The following PPIP5K1 variants were observed in gnomAD, a reference collection of about 807,000 sequenced individuals.
PPIP5K1 encodes diphosphoinositol pentakisphosphate kinase 1.
PPIP5K1 carries 6 observed loss-of-function variants against 27.7 expected under a neutral mutation model. The ratio of observed to expected loss-of-function variants is 0.22; its 90% CI spans 0.12 to 0.43. The LOEUF (loss-of-function observed/expected upper bound fraction) is 0.43, where lower values mean the gene tolerates loss of function less well. PPIP5K1 is among the 20% of genes least tolerant of loss of function. The pLI is 1.00. For missense variants in PPIP5K1, 394 were observed against 635.4 expected (o/e 0.62, Z 4.08); for synonymous variants, 145 against 242.6 (o/e 0.60, Z 3.74).
chr15:43,536,766 A>G (rs999785316), intron 31 of PPIP5K1, among the ~76,000 whole-genome samples: 4 of 152,280 alleles, frequency 2.6e-5, no homozygotes, highest in South Asian at 2.1e-4. Flanking sequence ...AGAGTCTTCA[A>G]TTACACTGTG....
rs200963349 is a variant in PPIP5K1 at position 43,535,135 on chromosome 15, T to C, written c.4012A>G (p.Lys1338Glu). 1 of 1,613,296 alleles carries C rather than the reference T, an allele frequency of 6.2e-7. No individual in the cohort carries two copies. Among genetic ancestry groups the C allele is most frequent in the Non-Finnish European group, 8.5e-7 (1 of 1,179,812 alleles). ...CATTGCTGGCTGATGTCAGGGACCTTCTGACATGGCTGGCTGAGCGCCTCA... is the reference window on the plus strand; with the variant it reads ...CATTGCTGGCTGATGTCAGGGACCTCCTGACATGGCTGGCTGAGCGCCTCA... ...ISEALSQPCQ[K>E]VPDISQQCQE... The change falls in exon 32 of 32, where the codon AAG (lysine) becomes GAG (glutamate). Residue 1338 changes from lysine (K) to glutamate (E), a missense_variant. Coordinates refer to ENST00000420765, the MANE Select transcript of PPIP5K1 (RefSeq NM_001394395.1).
chr15:43,534,922 T>C lies in PPIP5K1; in HGVS notation c.4225A>G (p.Lys1409Glu), dbSNP rs1255669592. Residue 1409 changes from lysine (K) to glutamate (E), a missense_variant, in exon 32 of 32, where the codon AAG becomes GAG. Lys to Glu is a moderately conservative substitution (Grantham distance 56). This residue lies in a region of PPIP5K1 where 379 missense variants were observed against 423.9 expected (regional missense o/e 0.89). Coordinates refer to ENST00000420765, the MANE Select transcript of PPIP5K1 (RefSeq NM_001394395.1). Reference protein sequence around the residue: ...VSVEVGKLVHKFHVGVGSLVQ... With the variant: ...VSVEVGKLVHEFHVGVGSLVQ... ...AAGCTACCAACCCCTACATGGAACT[T>C]ATGGACCAGCTTGCCAACCTCCACA... 1 of 1,614,016 alleles carries C rather than the reference T, an allele frequency of 6.2e-7. No homozygotes were observed. The highest frequency in any genetic ancestry group is 1.6e-4 in the Middle Eastern group (1 of 6,062).
chr15:43,546,675 T>C (rs79376237), intron 30 of PPIP5K1, among the ~76,000 whole-genome samples: 472 of 125,882 alleles, frequency 3.7e-3, no homozygotes, highest in African/African-American at 0.017. Flanking sequence ...TTTTTTTTTT[T>C]TTTTTGAGTC....
At chr15:43,578,612 TG>T (rs1174912030) in intron 11 of PPIP5K1, among the ~76,000 whole-genome samples, 1 of 77,778 alleles carries the variant, frequency 1.3e-5, no homozygotes, top group Non-Finnish European at 3.1e-5. Flanking sequence ...AGGCTGGGCA[TG>T]GTGGCTCATG....
chr15:43,558,706 A>C, intron 30 of PPIP5K1, 89 bp downstream of exon 30: 1 of 1,542,662 alleles, frequency 6.5e-7, no homozygotes, highest in Non-Finnish European at 8.8e-7. Flanking sequence ...GGATTGCCTA[A>C]CTAGCTTTCT....
intron 31 of PPIP5K1, 144 bp from the exon 32 acceptor site, chr15:43,535,620 G>A: frequency 2.9e-6 from 2 of 688,730 alleles, no homozygotes; most frequent in South Asian, 2.1e-5. Context: ...AAGTTAAGCA[G>A]AGACTCCTAA....
At chr15:43,543,344 A>G (rs2081001774) in intron 30 of PPIP5K1, among the ~76,000 whole-genome samples, 1 of 151,964 alleles carries the variant, frequency 6.6e-6, no homozygotes, top group Non-Finnish European at 1.5e-5. Context: ...GCAGCACACC[A>G]GCGTGGCACA....
intron 31 of PPIP5K1, chr15:43,536,052 T>C (rs2079801592): frequency 4.0e-6 from 5 of 1,253,268 alleles, no homozygotes; most frequent in South Asian, 3.8e-5. Flanking sequence ...GAGGTAATCA[T>C]TATTTATAGC....
intron 30 of PPIP5K1, among the ~76,000 whole-genome samples, chr15:43,540,636 G>A (rs1016711762): frequency 6.6e-6 from 1 of 151,664 alleles, no homozygotes; most frequent in Non-Finnish European, 1.5e-5. Context: ...AACAGAGGTT[G>A]CAGTGAGCCG....
chr15:43,552,545 AG>A (rs1186261355), intron 30 of PPIP5K1, among the ~76,000 whole-genome samples: 11 of 145,868 alleles, frequency 7.5e-5, no homozygotes, highest in East Asian at 6.6e-4. Context: ...AAAAAAAAAA[AG>A]AAAAAAAAAA....
chr15:43,556,505 C>T (rs2141033414), intron 30 of PPIP5K1, among the ~76,000 whole-genome samples: 1 of 148,074 alleles, frequency 6.8e-6, no homozygotes, highest in African/African-American at 2.5e-5. Flanking sequence ...GGCATGGTGG[C>T]ACTCCAGCCT....
At chr15:43,547,755 G>A (rs2081554705) in intron 30 of PPIP5K1, among the ~76,000 whole-genome samples, 1 of 152,120 alleles carries the variant, frequency 6.6e-6, no homozygotes, top group Admixed American at 6.5e-5. Flanking sequence ...CTATAGCTTT[G>A]CAATACATTT....
intron 30 of PPIP5K1, among the ~76,000 whole-genome samples, chr15:43,551,610 T>G (rs1364624293): frequency 9.1e-6 from 1 of 110,470 alleles, no homozygotes; most frequent in Non-Finnish European, 1.6e-5. Context: ...GATTCAGTTT[T>G]TTTTTTTTTT....
At chr15:43,553,820 T>C (rs2082569848) in intron 30 of PPIP5K1, among the ~76,000 whole-genome samples, 2 of 151,986 alleles carry the variant, frequency 1.3e-5, no homozygotes, top group Admixed American at 6.6e-5. Flanking sequence ...AATTTTTTTG[T>C]ATTTTTAGTA....
intron 30 of PPIP5K1, among the ~76,000 whole-genome samples, chr15:43,542,661 T>G (rs2080903568): frequency 6.8e-6 from 1 of 146,642 alleles, no homozygotes; most frequent in African/African-American, 2.6e-5. Context: ...TGTGTGTGTG[T>G]GTGTGTGTGT....
Position 43,534,728 on chromosome 15 carries a change from C to G in PPIP5K1, c.4419G>C (p.Glu1473Asp), listed in dbSNP as rs997326984. The stretch of plus-strand genomic sequence containing the variant: ...CCTGCAGATCAATCTCCTCAGGGAA[C>G]TCTTGGGATGGTTTATCAATCTCAG... Reference protein sequence around the residue: ...GIPEIDKPSQEFPEEIDLQAQ... With the variant: ...GIPEIDKPSQDFPEEIDLQAQ... Residue 1473 changes from glutamate (E) to aspartate (D), a missense_variant, in exon 32 of 32, where the codon GAG (glutamate) becomes GAC (aspartate). Glu to Asp is a conservative substitution (Grantham distance 45). Coordinates refer to ENST00000420765, the MANE Select transcript of PPIP5K1 (RefSeq NM_001394395.1). 1 of 1,544,084 alleles carries G rather than the reference C, an allele frequency of 6.5e-7. No homozygotes were observed. Among genetic ancestry groups the G allele is most frequent in the Non-Finnish European group, 8.7e-7 (1 of 1,148,726 alleles).
intron 31 of PPIP5K1, among the ~76,000 whole-genome samples, chr15:43,537,154 G>A (rs781779750): frequency 1.3e-5 from 2 of 151,092 alleles, no homozygotes; most frequent in Non-Finnish European, 2.9e-5. Flanking sequence ...GACCAACATA[G>A]TGAAACTCCT....
intron 30 of PPIP5K1, among the ~76,000 whole-genome samples, chr15:43,555,209 C>T (rs1373640899): frequency 1.3e-5 from 2 of 152,158 alleles, no homozygotes; most frequent in Admixed American, 6.5e-5. Flanking sequence ...ATCTTGATTG[C>T]TTTTCTTCTG....
At chr15:43,554,116 CAACAGAGCAA>C (rs1366911391) in intron 30 of PPIP5K1, among the ~76,000 whole-genome samples, 1 of 152,062 alleles carries the variant, frequency 6.6e-6, no homozygotes, top group Non-Finnish European at 1.5e-5. Flanking sequence ...CCAGCCTGGG[CAACAGAGCAA>C]GACTCTGTCT....
Sources: gnomAD v4.1 joint callset for allele counts (sites outside exome capture counted in the v4.1 genomes callset) on GRCh38, gnomAD v4.1.1 for gene constraint, gnomAD v4.1.1 regional missense constraint, MANE v1.5 for transcripts, NCBI Gene and HGNC (gene_info 2026-07-23, HGNC 2026-07-21) for gene names.